LRP1B: variants seen among roughly 807,000 people sequenced by gnomAD.
LRP1B encodes the protein low-density lipoprotein receptor-related protein 1B.
In LRP1B, 217 loss-of-function variants were observed where a neutral mutation model predicts 556.6. That is an observed-to-expected ratio of 0.39 (90% CI 0.35 to 0.44). The LOEUF (loss-of-function observed/expected upper bound fraction) is 0.44, where lower values mean the gene tolerates loss of function less well. Ranked by LOEUF, LRP1B falls within the 20% of genes least tolerant of loss-of-function variation. The pLI, the probability that LRP1B is intolerant of heterozygous loss-of-function variation, is 1.00. For missense variants in LRP1B, 5,053 were observed against 5,620.8 expected, an observed-to-expected ratio of 0.90 and a Z score of 3.23; for synonymous variants, 2,047 against 1,865.8, an observed-to-expected ratio of 1.10 and a Z score of -2.50.
intron 1 of LRP1B, among the ~76,000 whole-genome samples, chr2:141,957,506 G>C (rs1701289908): frequency 6.6e-6 from 1 of 151,822 alleles, no homozygotes; most frequent in Non-Finnish European, 1.5e-5. Flanking sequence ...AGTCACAGCT[G>C]AGAGGTATTA....
At chr2:141,978,334 T>C (rs1326332232) in intron 1 of LRP1B, among the ~76,000 whole-genome samples, 2 of 152,040 alleles carry the variant, frequency 1.3e-5, no homozygotes, top group Admixed American at 6.6e-5. Context: ...AATCAAGCAG[T>C]ATGTGAATTT....
At chr2:140,771,115 C>A in intron 33 of LRP1B, 109 bp from the exon 34 acceptor site, 1 of 698,636 alleles carries the variant, frequency 1.4e-6, no homozygotes, top group Non-Finnish European at 2.3e-6. Flanking sequence ...TTTCTAAATG[C>A]AGCTGTTTCA....
intron 41 of LRP1B, among the ~76,000 whole-genome samples, chr2:140,633,071 GA>G (rs892727035): frequency 7.0e-5 from 9 of 129,122 alleles, no homozygotes; most frequent in South Asian, 2.3e-4. Flanking sequence ...TCAAAAAAAA[GA>G]AAAAAAAAAG....
At chr2:140,650,305 TTA>T (rs1684631379) in intron 41 of LRP1B, among the ~76,000 whole-genome samples, 1 of 132,590 alleles carries the variant, frequency 7.5e-6, no homozygotes, top group Non-Finnish European at 1.6e-5. Context: ...CACTTTATTT[TTA>T]TTTTTATTTA....
intron 1 of LRP1B, among the ~76,000 whole-genome samples, chr2:141,930,097 T>C (rs539965561): frequency 4.3e-4 from 66 of 152,022 alleles, no homozygotes; most frequent in Middle Eastern, 3.4e-3. Context: ...CTACATGTCA[T>C]TTCCAGGAAC....
intron 15 of LRP1B, among the ~76,000 whole-genome samples, chr2:141,001,320 CTT>C (rs57164437): frequency 1.3e-5 from 2 of 151,512 alleles, no homozygotes; most frequent in Admixed American, 1.3e-4. Flanking sequence ...AGCTGTCCAT[CTT>C]TTTTTTTTGT....
intron 1 of LRP1B, among the ~76,000 whole-genome samples, chr2:142,116,192 C>CAAAAAAA (rs70994477): frequency 3.8e-4 from 25 of 65,432 alleles, no homozygotes; most frequent in Middle Eastern, 0.014. Context: ...GAGTCTGTCT[C>CAAAAAAA]AAAAAAAAAA....
intron 83 of LRP1B, among the ~76,000 whole-genome samples, chr2:140,303,288 C>T (rs926116152): frequency 6.6e-6 from 1 of 151,874 alleles, no homozygotes; most frequent in Admixed American, 6.6e-5. Context: ...CACTCTGTTG[C>T]CCAGGCTGGA....
intron 43 of LRP1B, among the ~76,000 whole-genome samples, chr2:140,574,430 T>C (rs1193389282): frequency 1.3e-5 from 2 of 152,272 alleles, no homozygotes; most frequent in South Asian, 2.1e-4. Context: ...GGCATGAACA[T>C]CTGCACAAAG....
intron 77 of LRP1B, among the ~76,000 whole-genome samples, chr2:140,339,776 C>T (rs1043569983): frequency 6.6e-6 from 1 of 151,394 alleles, no homozygotes; most frequent in Non-Finnish European, 1.5e-5. Context: ...GGAGCTCATA[C>T]AGCAGTGGAG....
intron 11 of LRP1B, among the ~76,000 whole-genome samples, chr2:141,020,781 C>T (rs1417469209): frequency 1.3e-5 from 2 of 151,944 alleles, no homozygotes; most frequent in African/African-American, 4.8e-5. Flanking sequence ...CCTTGGAGTT[C>T]ACCTAATTCA....
intron 2 of LRP1B, among the ~76,000 whole-genome samples, chr2:141,701,775 C>T (rs966990667): frequency 7.9e-5 from 12 of 151,830 alleles, no homozygotes; most frequent in Admixed American, 6.6e-4. Context: ...GGGAAGTTGA[C>T]TAAAAGTCAG....
At chr2:142,128,879 G>A (rs1384163562) in intron 1 of LRP1B, among the ~76,000 whole-genome samples, 6 of 152,098 alleles carry the variant, frequency 3.9e-5, no homozygotes, top group Non-Finnish European at 7.4e-5. Flanking sequence ...AGAAAGTTGT[G>A]GGGTCTGTAT....
intron 35 of LRP1B, among the ~76,000 whole-genome samples, chr2:140,766,377 T>C (rs760818008): frequency 1.3e-5 from 2 of 151,984 alleles, no homozygotes; most frequent in Non-Finnish European, 2.9e-5. Context: ...CTGCTGACAC[T>C]TATTCTGATC....
chr2:141,578,973 G>T (rs1351710504), intron 2 of LRP1B, among the ~76,000 whole-genome samples: 1 of 152,172 alleles, frequency 6.6e-6, no homozygotes, highest in African/African-American at 2.4e-5. Flanking sequence ...AGTCCCAGGA[G>T]ATCCTCTTTA....
chr2:141,686,613 A>G (rs2105438459), intron 2 of LRP1B, among the ~76,000 whole-genome samples: 1 of 152,104 alleles, frequency 6.6e-6, no homozygotes, highest in South Asian at 2.1e-4. Flanking sequence ...CTGGAGGGAA[A>G]AGAACTTCTG....
chr2:141,067,539 T>C (rs1030918639), intron 7 of LRP1B, among the ~76,000 whole-genome samples: 1 of 152,038 alleles, frequency 6.6e-6, no homozygotes, highest in African/African-American at 2.4e-5. Context: ...ACATTCCCAC[T>C]AGTGATTCCT....
intron 66 of LRP1B, among the ~76,000 whole-genome samples, chr2:140,410,940 G>A (rs1375133526): frequency 6.6e-6 from 1 of 152,104 alleles, no homozygotes; most frequent in Non-Finnish European, 1.5e-5. Context: ...GAGGTGAAAG[G>A]AAATTACTGA....
At chr2:141,483,626 T>G (rs1189377523) in intron 2 of LRP1B, among the ~76,000 whole-genome samples, 1 of 151,746 alleles carries the variant, frequency 6.6e-6, no homozygotes, top group Admixed American at 6.6e-5. Flanking sequence ...CAGCACCTGT[T>G]GTTTCCTGAC....
Sources: gnomAD v4.1 joint callset for allele counts (sites outside exome capture counted in the v4.1 genomes callset) on GRCh38, gnomAD v4.1.1 for gene constraint, MANE v1.5 for transcripts, NCBI Gene and HGNC (gene_info 2026-07-23, HGNC 2026-07-21) for gene names.